Variants in PTPRD observed in about 807,000 individuals in gnomAD.
PTPRD encodes the protein protein tyrosine phosphatase receptor type D.
PTPRD carries 34 observed loss-of-function variants against 214.5 expected under a neutral mutation model. That is an observed-to-expected ratio of 0.16 (90% CI 0.12 to 0.21). The LOEUF (loss-of-function observed/expected upper bound fraction) is 0.21, where lower values mean the gene tolerates loss of function less well. Ranked by LOEUF, PTPRD falls within the 10% of genes least tolerant of loss-of-function variation. The pLI is 1.00. For synonymous variants in PTPRD, 1,128 were observed against 845.7 expected (o/e 1.33, Z -5.79); for missense variants, 2,545 against 2,398.7 (o/e 1.06, Z -1.27).
chr9:9,588,142 G>GA (rs896475457), intron 7 of PTPRD, among the ~76,000 whole-genome samples: 1 of 151,420 alleles, frequency 6.6e-6, no homozygotes, highest in Non-Finnish European at 1.5e-5. Context: ...ATTAATAACA[G>GA]AAAAAAATAG....
chr9:9,275,034 C>T (rs1467585990), intron 9 of PTPRD, among the ~76,000 whole-genome samples: 2 of 105,866 alleles, frequency 1.9e-5, no homozygotes, highest in East Asian at 2.7e-4. Flanking sequence ...CATCAAAATC[C>T]CTTTGTTTCC....
At chr9:9,500,735 A>G (rs2096384336) in intron 8 of PTPRD, among the ~76,000 whole-genome samples, 1 of 152,108 alleles carries the variant, frequency 6.6e-6, no homozygotes, top group Non-Finnish European at 1.5e-5. Context: ...GTAGATATAG[A>G]AGACTTTTTT....
At chr9:9,494,567 A>G (rs939474356) in intron 8 of PTPRD, among the ~76,000 whole-genome samples, 1 of 152,250 alleles carries the variant, frequency 6.6e-6, no homozygotes, top group Non-Finnish European at 1.5e-5. Context: ...ACTTTTATAC[A>G]CTAACAATGA....
intron 22 of PTPRD, among the ~76,000 whole-genome samples, chr9:8,504,706 G>T (rs768721241): frequency 6.6e-6 from 1 of 152,212 alleles, no homozygotes. Flanking sequence ...ACACCCATGA[G>T]TATGTTCTGC....
chr9:9,603,900 G>T (rs1488005312), intron 7 of PTPRD, among the ~76,000 whole-genome samples: 4 of 151,756 alleles, frequency 2.6e-5, no homozygotes, highest in Non-Finnish European at 5.9e-5. Flanking sequence ...TTTTTACAGA[G>T]GTCAACTGTG....
intron 3 of PTPRD, among the ~76,000 whole-genome samples, chr9:10,065,597 A>C (rs2097863188): frequency 1.3e-5 from 2 of 151,892 alleles, no homozygotes; most frequent in Non-Finnish European, 2.9e-5. Context: ...CCTGAAAGGA[A>C]ATGTTCTTTT....
chr9:10,472,429 C>A (rs555427528), intron 2 of PTPRD, among the ~76,000 whole-genome samples: 15 of 150,100 alleles, frequency 1.0e-4, no homozygotes, highest in African/African-American at 3.5e-4. Flanking sequence ...ATGTGGTCCA[C>A]AAACCTTGAC....
intron 8 of PTPRD, among the ~76,000 whole-genome samples, chr9:9,486,772 C>G (rs1211616680): frequency 2.0e-5 from 3 of 152,146 alleles, no homozygotes; most frequent in African/African-American, 7.2e-5. Context: ...TCCAAAAGCT[C>G]TCTTGAAATG....
At chr9:10,094,632 T>C (rs2098465457) in intron 3 of PTPRD, among the ~76,000 whole-genome samples, 1 of 149,868 alleles carries the variant, frequency 6.7e-6, no homozygotes, top group South Asian at 2.1e-4. Flanking sequence ...ACATCTGTCA[T>C]ATGGAGACAT....
chr9:8,756,202 C>T (rs1487254139), intron 11 of PTPRD, among the ~76,000 whole-genome samples: 1 of 152,130 alleles, frequency 6.6e-6, no homozygotes, highest in Non-Finnish European at 1.5e-5. Context: ...TATGCCTTGG[C>T]CAAATCACTC....
intron 10 of PTPRD, among the ~76,000 whole-genome samples, chr9:9,175,262 A>G (rs942359115): frequency 5.3e-5 from 8 of 152,164 alleles, no homozygotes; most frequent in African/African-American, 1.7e-4. Context: ...ATTAACCACT[A>G]AAATCTTTGT....
intron 5 of PTPRD, among the ~76,000 whole-genome samples, chr9:9,819,242 G>A (rs575110137): frequency 6.6e-6 from 1 of 152,052 alleles, no homozygotes; most frequent in East Asian, 1.9e-4. Context: ...AGTTTGGCTG[G>A]AGTATCGGCA....
chr9:9,888,371 G>A (rs2071793440), intron 5 of PTPRD, among the ~76,000 whole-genome samples: 1 of 152,158 alleles, frequency 6.6e-6, no homozygotes, highest in African/African-American at 2.4e-5. Flanking sequence ...CCATCATATT[G>A]TGAGGCGATG....
At chr9:8,410,642 T>C (rs990197149) in intron 35 of PTPRD, among the ~76,000 whole-genome samples, 3 of 152,130 alleles carry the variant, frequency 2.0e-5, no homozygotes, top group African/African-American at 7.2e-5. Context: ...GCATAGAAAA[T>C]GTATAAATAT....
chr9:9,390,639 AAGTAGATCTCATTACAACTTTT>A (rs1252496321), intron 9 of PTPRD, among the ~76,000 whole-genome samples: 1 of 152,202 alleles, frequency 6.6e-6, no homozygotes, highest in Non-Finnish European at 1.5e-5. Flanking sequence ...ACTCTTGGAC[AAGTAGATCTCATTACAACTTTT>A]AGTACAGTCA....
intron 3 of PTPRD, among the ~76,000 whole-genome samples, chr9:10,268,701 G>A (rs2094241851): frequency 6.6e-6 from 1 of 152,004 alleles, no homozygotes; most frequent in African/African-American, 2.4e-5. Flanking sequence ...CCCCTTTCTA[G>A]TACTATATCC....
chr9:10,565,640 A>C lies in PTPRD; in HGVS notation c.-600+46758T>G, dbSNP rs2065363461. Among the ~76,000 whole-genome samples the C allele has an allele frequency of 2.0e-5, 3 of 152,238 alleles. No homozygotes were observed. In the South Asian group the frequency reaches 6.2e-4, roughly 32 times the overall value. On this transcript the variant is annotated intron_variant, in intron 2 of 45. Coordinates refer to ENST00000381196, the MANE Select transcript of PTPRD (RefSeq NM_002839.4). The stretch of plus-strand genomic sequence containing the variant: ...TTGGATAATGTATAACAACATCAGC[A>C]GTAACCAGGCTTCCTTTCTTACCAA...
At chr9:9,353,903 T>G (rs746394156) in intron 9 of PTPRD, among the ~76,000 whole-genome samples, 7 of 151,850 alleles carry the variant, frequency 4.6e-5, no homozygotes, top group Non-Finnish European at 7.4e-5. Flanking sequence ...GTGAGTCATC[T>G]AGAAGCTCTG....
At chr9:9,185,956 G>C (rs571652500) in intron 9 of PTPRD, among the ~76,000 whole-genome samples, 1 of 151,408 alleles carries the variant, frequency 6.6e-6, no homozygotes, top group Admixed American at 6.6e-5. Context: ...TGTCGATCTG[G>C]TAGAGGAGAC....
Sources: allele counts gnomAD v4.1 joint callset (sites outside exome capture counted in the v4.1 genomes callset), GRCh38; gene constraint gnomAD v4.1.1; transcripts MANE v1.5; gene names NCBI Gene and HGNC (gene_info 2026-07-23, HGNC 2026-07-21).